The following MCU variants were observed in gnomAD, a reference collection of about 807,000 sequenced individuals.
MCU encodes the protein mitochondrial calcium uniporter.
In MCU, 12 loss-of-function variants were observed where a neutral mutation model predicts 45.2. That is an observed-to-expected ratio of 0.27 (90% CI 0.17 to 0.43). The LOEUF is 0.43. Ranked by LOEUF, MCU falls within the 20% of genes least tolerant of loss-of-function variation. The pLI is 1.00. For synonymous variants in MCU, 160 were observed against 165.1 expected, an observed-to-expected ratio of 0.97 and a Z score of 0.24; for missense variants, 324 against 436.7, an observed-to-expected ratio of 0.74 and a Z score of 2.30.
At chr10:72,743,986 A>T (rs896757762) in intron 1 of MCU, among the ~76,000 whole-genome samples, 1 of 151,494 alleles carries the variant, frequency 6.6e-6, no homozygotes, top group Non-Finnish European at 1.5e-5. Context: ...GTAGCTCATC[A>T]TTTTCATGTC....
chr10:72,714,184 C>G (rs970021891), intron 1 of MCU, among the ~76,000 whole-genome samples: 1 of 151,482 alleles, frequency 6.6e-6, no homozygotes, highest in Non-Finnish European at 1.5e-5. Flanking sequence ...CCAGGCTGGT[C>G]TCGAACTCCT....
chr10:72,763,031 A>T (rs1409405152), intron 1 of MCU, among the ~76,000 whole-genome samples: 1 of 151,954 alleles, frequency 6.6e-6, no homozygotes, highest in East Asian at 1.9e-4. Flanking sequence ...TTTTTTCTCC[A>T]TCTTCAAAGC....
intron 1 of MCU, among the ~76,000 whole-genome samples, chr10:72,814,221 A>G (rs1828541608): frequency 1.3e-5 from 2 of 152,204 alleles, no homozygotes; most frequent in South Asian, 4.1e-4. Context: ...ATTTGTAAGC[A>G]TGCCATGGAA....
At chr10:72,876,717 C>A (rs889977849) in intron 6 of MCU, among the ~76,000 whole-genome samples, 1 of 152,172 alleles carries the variant, frequency 6.6e-6, no homozygotes, top group Non-Finnish European at 1.5e-5. Flanking sequence ...GAATTTTACA[C>A]GATTTCCATC....
chr10:72,881,440 G>C lies in MCU; in HGVS notation c.862-2826G>C, dbSNP rs1456557992. On this transcript the variant is annotated intron_variant, in intron 6 of 7. Coordinates refer to ENST00000373053, the MANE Select transcript of MCU (RefSeq NM_138357.3). ...ACTGTGGTGTATGCCTGTAATCACA[G>C]CTACTTGGGAGGCTGAGATGGGAGG... is the stretch of plus-strand genomic sequence containing the variant. 2.0e-5 allele frequency among the ~76,000 whole-genome samples: 3 copies of C among 152,138 alleles called. No individual in the cohort carries two copies. The East Asian group carries it at 5.8e-4, about 29-fold the overall frequency.
intron 1 of MCU, among the ~76,000 whole-genome samples, chr10:72,755,145 G>T (rs1044448368): frequency 5.8e-4 from 68 of 116,398 alleles, no homozygotes; most frequent in East Asian, 2.2e-4. Flanking sequence ...GTGAACCTGA[G>T]ATTTTTTTTT....
chr10:72,704,945 TC>T (rs2132653341), intron 1 of MCU, among the ~76,000 whole-genome samples: 1 of 152,126 alleles, frequency 6.6e-6, no homozygotes, highest in Non-Finnish European at 1.5e-5. Context: ...GATCTTGAAC[TC>T]CTGACCTCAT....
intron 1 of MCU, chr10:72,693,055 G>C: frequency 6.5e-7 from 1 of 1,536,164 alleles, no homozygotes; most frequent in Non-Finnish European, 8.7e-7. Flanking sequence ...AGGCACAGGA[G>C]AAGCGAATAT....
At position 72,809,882 on chromosome 10, in the gene MCU, G is replaced by T. The variant is rs77785314; in HGVS notation, c.151-24477G>T. ...CTCCTAGAGTGTCATAGAATTCAAA[G>T]AAAAGAATTTCAGGAGGGAGGAGGT... On this transcript the variant is annotated intron_variant, in intron 1 of 7. Coordinates refer to ENST00000373053, the MANE Select transcript of MCU (RefSeq NM_138357.3). Among the ~76,000 whole-genome samples the T allele has an allele frequency of 2.4e-3, 369 of 152,228 alleles. 2 individuals are homozygous for T. Among genetic ancestry groups the T allele is most frequent in the East Asian group, 0.012 (63 of 5,174 alleles).
chr10:72,723,969 A>G (rs909776872), intron 1 of MCU, among the ~76,000 whole-genome samples: 1 of 152,194 alleles, frequency 6.6e-6, no homozygotes, highest in Non-Finnish European at 1.5e-5. Context: ...CGTTTAACAC[A>G]AACTGTCAGA....
At chr10:72,746,118 A>G (rs1182083528) in intron 1 of MCU, among the ~76,000 whole-genome samples, 1 of 152,186 alleles carries the variant, frequency 6.6e-6, no homozygotes, top group Non-Finnish European at 1.5e-5. Context: ...TTCACTCAAC[A>G]AATATTTGTT....
chr10:72,832,054 C>CT lies in MCU; in HGVS notation c.151-2302dup, dbSNP rs531528717. Among the ~76,000 whole-genome samples, 192 of 152,170 alleles carry CT rather than the reference C, an allele frequency of 1.3e-3. 3 individuals carry two copies. The South Asian group carries it at 0.039, about 31-fold the overall frequency. On this transcript the variant is annotated intron_variant, in intron 1 of 7. Coordinates refer to ENST00000373053, the MANE Select transcript of MCU (RefSeq NM_138357.3). ...TAACTAAAACAAAGCAAGCACAAATCTTTGAGTAATTTTATTTTAATGTTT... is the reference window on the plus strand; with the variant it reads ...TAACTAAAACAAAGCAAGCACAAATCTTTTGAGTAATTTTATTTTAATGTTT...
At chr10:72,723,920 C>T (rs1039340464) in intron 1 of MCU, among the ~76,000 whole-genome samples, 10 of 152,190 alleles carry the variant, frequency 6.6e-5, no homozygotes, top group African/African-American at 2.4e-4. Context: ...TTCAGAACAT[C>T]TTTAAAAGTC....
At chr10:72,713,947 T>TTGTGTGTGTG (rs72292523) in intron 1 of MCU, among the ~76,000 whole-genome samples, 1,453 of 139,080 alleles carry the variant, frequency 0.01, 35 homozygotes, top group African/African-American at 0.038. Context: ...CTTTCATCAT[T>TTGTGTGTGTG]TGTGTGTGTG....
intron 6 of MCU, among the ~76,000 whole-genome samples, chr10:72,873,164 G>A (rs1048948160): frequency 1.3e-5 from 2 of 151,380 alleles, no homozygotes; most frequent in Non-Finnish European, 2.9e-5. Context: ...GACTACAGAT[G>A]CCCGCCACCA....
chr10:72,753,908 C>CA (rs1463735777), intron 1 of MCU, among the ~76,000 whole-genome samples: 1 of 151,982 alleles, frequency 6.6e-6, no homozygotes, highest in Non-Finnish European at 1.5e-5. Flanking sequence ...AAAACACACA[C>CA]ACACACAAAC....
At chr10:72,696,848 C>T (rs1842694123) in intron 1 of MCU, among the ~76,000 whole-genome samples, 1 of 152,108 alleles carries the variant, frequency 6.6e-6, no homozygotes, top group Non-Finnish European at 1.5e-5. Context: ...TAGGTAGCCA[C>T]ATTTGGAGAA....
At chr10:72,810,800 T>G (rs1844532546) in intron 1 of MCU, among the ~76,000 whole-genome samples, 1 of 152,148 alleles carries the variant, frequency 6.6e-6, no homozygotes, top group Admixed American at 6.5e-5. Context: ...TGGTCTGTGT[T>G]GCCTTTTTCT....
At chr10:72,856,379 AG>A (rs1845291091) in intron 2 of MCU, among the ~76,000 whole-genome samples, 2 of 152,196 alleles carry the variant, frequency 1.3e-5, no homozygotes, top group South Asian at 4.1e-4. Flanking sequence ...TGTCTCAATT[AG>A]GTTTATTTCT....
Sources: gnomAD v4.1 joint callset for allele counts (sites outside exome capture counted in the v4.1 genomes callset) on GRCh38, gnomAD v4.1.1 for gene constraint, MANE v1.5 for transcripts, NCBI Gene and HGNC (gene_info 2026-07-23, HGNC 2026-07-21) for gene names.